The following ELOVL6 variants were observed in gnomAD, a reference collection of about 807,000 sequenced individuals.
The protein encoded by ELOVL6 is ELOVL fatty acid elongase 6.
In ELOVL6, 8 loss-of-function variants were observed where a neutral mutation model predicts 31.7. The ratio of observed to expected loss-of-function variants is 0.25; its 90% CI spans 0.15 to 0.45. The LOEUF is 0.45. Ranked by LOEUF, ELOVL6 falls within the 20% of genes least tolerant of loss-of-function variation. The probability of loss-of-function intolerance (pLI) is 1.00; values close to 1 mark genes in which losing one functional copy is unlikely to be tolerated. For missense variants in ELOVL6, 126 were observed against 326.4 expected, an observed-to-expected ratio of 0.39 and a Z score of 4.73; for synonymous variants, 101 against 117.7, an observed-to-expected ratio of 0.86 and a Z score of 0.92.
Position 110,056,538 on chromosome 4 carries a change from T to TA in ELOVL6, c.373+3064dup, listed in dbSNP as rs528815118. ...AACAATATCCCATATTTTAAAATGT[T>TA]AAAAAAAAAAAGTATTCAGAACATG... is the stretch of plus-strand genomic sequence containing the variant. On this transcript the variant is annotated intron_variant, in intron 3 of 3. Coordinates refer to ENST00000302274, the MANE Select transcript of ELOVL6 (RefSeq NM_024090.3). 4.8e-4 allele frequency among the ~76,000 whole-genome samples: 70 copies of TA among 146,432 alleles called. 1 individual carries two copies. The highest frequency in any genetic ancestry group is 7.9e-4 in the East Asian group (4 of 5,074).
intron 2 of ELOVL6, among the ~76,000 whole-genome samples, chr4:110,101,091 G>C (rs1388586258): frequency 1.3e-5 from 2 of 152,214 alleles, no homozygotes; most frequent in African/African-American, 4.8e-5. Context: ...CCAGGCTGGA[G>C]TGCAGTGGCA....
intron 1 of ELOVL6, among the ~76,000 whole-genome samples, chr4:110,158,630 C>T (rs1233393395): frequency 2.6e-5 from 2 of 77,082 alleles, no homozygotes; most frequent in African/African-American, 1.0e-4. Context: ...CACATATATA[C>T]ACGTGTATAT....
intron 1 of ELOVL6, among the ~76,000 whole-genome samples, chr4:110,175,508 TGTAA>T (rs774017812): frequency 6.6e-6 from 1 of 152,226 alleles, no homozygotes; most frequent in Non-Finnish European, 1.5e-5. Flanking sequence ...TACTGACATA[TGTAA>T]GTAACATCAA....
intron 1 of ELOVL6, among the ~76,000 whole-genome samples, chr4:110,142,282 T>G (rs2126261941): frequency 6.6e-6 from 1 of 152,076 alleles, no homozygotes; most frequent in South Asian, 2.1e-4. Context: ...CCTGACCTCA[T>G]GATCCATCCG....
intron 2 of ELOVL6, among the ~76,000 whole-genome samples, chr4:110,104,564 T>C (rs72679215): frequency 0.077 from 11,690 of 152,236 alleles, 632 homozygotes; most frequent in East Asian, 0.18. Context: ...CATTTCTGCT[T>C]AGAACAGTTA....
chr4:110,149,522 C>A (rs1255037557), intron 1 of ELOVL6, among the ~76,000 whole-genome samples: 1 of 152,164 alleles, frequency 6.6e-6, no homozygotes, highest in Admixed American at 6.5e-5. Context: ...TGAAACAATT[C>A]AGACACAGAC....
intron 1 of ELOVL6, among the ~76,000 whole-genome samples, chr4:110,153,595 A>T (rs927179658): frequency 6.6e-6 from 1 of 152,244 alleles, no homozygotes; most frequent in African/African-American, 2.4e-5. Context: ...TTTCAGATTC[A>T]TAAGCTGTTG....
At chr4:110,174,521 T>C (rs1560857394) in intron 1 of ELOVL6, among the ~76,000 whole-genome samples, 1 of 152,174 alleles carries the variant, frequency 6.6e-6, no homozygotes, top group Admixed American at 6.6e-5. Context: ...CTTTTGAACA[T>C]ACATTTTTTA....
In ELOVL6 at chr4:110,139,449, A is replaced by G. The variant is rs183422030; in HGVS notation, c.90-33821T>C. Among the ~76,000 whole-genome samples the G allele has an allele frequency of 5.5e-3, 843 of 152,198 alleles. 6 individuals are homozygous for G. Among genetic ancestry groups the G allele is most frequent in the African/African-American group, 0.02 (813 of 41,546 alleles). Reference sequence around the variant, plus strand: ...TATTTCTATCGTAGTTTTCCCTGTTAAAGATTTTTTCTTTTTGCTTACATA... The same window carrying G: ...TATTTCTATCGTAGTTTTCCCTGTTGAAGATTTTTTCTTTTTGCTTACATA... On this transcript the variant is annotated intron_variant, in intron 1 of 3. Coordinates refer to ENST00000302274, the MANE Select transcript of ELOVL6 (RefSeq NM_024090.3).
At chr4:110,141,894 A>G (rs1056792222) in intron 1 of ELOVL6, among the ~76,000 whole-genome samples, 1 of 139,552 alleles carries the variant, frequency 7.2e-6, no homozygotes, top group African/African-American at 2.6e-5. Flanking sequence ...ATACAATACT[A>G]TATATATACT....
At chr4:110,084,588 A>ATATATATTTTTTT (rs1553956261) in intron 2 of ELOVL6, among the ~76,000 whole-genome samples, 1 of 29,656 alleles carries the variant, frequency 3.4e-5, no homozygotes. Flanking sequence ...ATATATATAT[A>ATATATATTTTTTT]TTTTTTTTTT....
At chr4:110,071,952 C>T (rs190225493) in intron 2 of ELOVL6, among the ~76,000 whole-genome samples, 10 of 152,286 alleles carry the variant, frequency 6.6e-5, no homozygotes, top group South Asian at 6.2e-4. Context: ...AACTTCATAA[C>T]GTGAGAAGGG....
At chr4:110,193,798 G>T (rs1759696482) in intron 1 of ELOVL6, among the ~76,000 whole-genome samples, 1 of 152,136 alleles carries the variant, frequency 6.6e-6, no homozygotes, top group Non-Finnish European at 1.5e-5. Flanking sequence ...GGGAGTGAGT[G>T]GGGAGAAAAG....
intron 1 of ELOVL6, among the ~76,000 whole-genome samples, chr4:110,129,907 T>TA (rs1757619269): frequency 6.9e-6 from 1 of 145,538 alleles, no homozygotes; most frequent in African/African-American, 2.6e-5. Context: ...TTTTTTTTTT[T>TA]TTTTTTTGGT....
Position 110,048,216 on chromosome 4 carries a change from T to A in ELOVL6, c.*3122A>T, listed in dbSNP as rs781035905. The A allele has an allele frequency of 6.6e-6, 1 of 152,204 alleles. No individual in the cohort carries two copies. The highest frequency in any genetic ancestry group is 1.5e-5 in the Non-Finnish European group (1 of 68,028). The allele number at this position is 152,204 out of a possible 1,614,324, so 9.4% of individuals were successfully genotyped here. On this transcript the variant is annotated 3_prime_UTR_variant, in exon 4 of 4. Coordinates refer to ENST00000302274, the MANE Select transcript of ELOVL6 (RefSeq NM_024090.3). ...AACCACCTCAATCCATGGTTTTAATTTGGTACTTTGGCCTTGCGTTAGATG... is the reference window on the plus strand; with the variant it reads ...AACCACCTCAATCCATGGTTTTAATATGGTACTTTGGCCTTGCGTTAGATG...
chr4:110,059,712 A>C lies in ELOVL6; in HGVS notation c.264T>G (p.Ile88Met). ...ACTGCTTCAGGCCTTTGGTCATCAA[A>C]ATGTACACCATATAAGCACCAGTTC... ...ALRTGAYMVYILMTKGLKQSV... is the reference protein window; with the variant it reads ...ALRTGAYMVYMLMTKGLKQSV... The change falls in exon 3 of 4, where the codon ATT (isoleucine) becomes ATG (methionine). Residue 88 changes from isoleucine (I) to methionine (M), a missense_variant. By Grantham distance (10) the Ile-to-Met change is conservative. This residue lies in a region of ELOVL6 where 53 missense variants were observed against 193.4 expected (regional missense o/e 0.27). Transcript: ENST00000302274. 1.2e-6 allele frequency: 2 copies of C among 1,614,092 alleles called. No individual in the cohort carries two copies. Among genetic ancestry groups the C allele is most frequent in the Non-Finnish European group, 1.7e-6 (2 of 1,179,974 alleles).
At chr4:110,166,237 C>G (rs1404733691) in intron 1 of ELOVL6, among the ~76,000 whole-genome samples, 1 of 152,134 alleles carries the variant, frequency 6.6e-6, no homozygotes, top group Non-Finnish European at 1.5e-5. Context: ...TGTCTTTGGG[C>G]TAGGACCTTG....
At position 110,132,707 on chromosome 4, in the gene ELOVL6, G is replaced by T. The variant is rs7689465; in HGVS notation, c.90-27079C>A. Among the ~76,000 whole-genome samples the T allele has an allele frequency of 3.3e-5, 5 of 151,942 alleles. No individual in the cohort carries two copies. The East Asian group carries it at 9.6e-4, about 29-fold the overall frequency. ...AAAAAAAAATTAGCTGAGTGTGGTC[G>T]TGTGTGGCTGTAATCCCAGCTACTT... is the stretch of plus-strand genomic sequence containing the variant. On this transcript the variant is annotated intron_variant, in intron 1 of 3. Coordinates refer to ENST00000302274, the MANE Select transcript of ELOVL6 (RefSeq NM_024090.3).
rs1328827395 is a variant in ELOVL6, at chr4:110,047,196, G to A, written c.*4142C>T. 6.6e-6 allele frequency: 1 copy of A among 152,156 alleles called. No individual in the cohort carries two copies. Among genetic ancestry groups the A allele is most frequent in the East Asian group, 1.9e-4 (1 of 5,198 alleles). The allele number at this position is 152,156 out of a possible 1,614,324, so 9.4% of individuals were successfully genotyped here. ...ACTTTTAAGGAATAAGTGTCTACAA[G>A]AGGTGGACATGGACCATGCTTATAC... On this transcript the variant is annotated 3_prime_UTR_variant, in exon 4 of 4. Coordinates refer to ENST00000302274, the MANE Select transcript of ELOVL6 (RefSeq NM_024090.3).
Sources: gnomAD v4.1 joint callset for allele counts (sites outside exome capture counted in the v4.1 genomes callset) on GRCh38, gnomAD v4.1.1 for gene constraint, gnomAD v4.1.1 regional missense constraint, MANE v1.5 for transcripts, NCBI Gene and HGNC (gene_info 2026-07-23, HGNC 2026-07-21) for gene names.